Variants in USP42 observed in about 807,000 individuals in gnomAD.
USP42 encodes ubiquitin specific peptidase 42, also known as ubiquitin carboxyl-terminal hydrolase 42.
Under a neutral mutation model 113.0 loss-of-function variants are expected in USP42, and 23 were observed. The observed-to-expected ratio is 0.20, with a 90% CI of 0.15 to 0.29. The LOEUF is 0.29. USP42 is among the 10% of genes least tolerant of loss of function. The pLI is 1.00. For synonymous variants in USP42, 933 were observed against 699.0 expected, an observed-to-expected ratio of 1.33 and a Z score of -5.28; for missense variants, 2,174 against 1,779.8, an observed-to-expected ratio of 1.22 and a Z score of -3.99.
chr7:6,127,695 G>A (rs1382639840), intron 3 of USP42, among the ~76,000 whole-genome samples: 4 of 152,256 alleles, frequency 2.6e-5, no homozygotes, highest in Admixed American at 6.5e-5. Flanking sequence ...TCTTGTCATC[G>A]GTTAGAATGA....
At chr7:6,092,149 C>CT in the USP42 span, among the ~76,000 whole-genome samples, 1 of 118,338 alleles carries the variant, frequency 8.5e-6, no homozygotes, top group Non-Finnish European at 1.7e-5. Context: ...CTTCCTCTTC[C>CT]TCTTCTTCTT....
chr7:6,119,927 C>T (rs573677237), intron 3 of USP42, among the ~76,000 whole-genome samples: 37 of 151,778 alleles, frequency 2.4e-4, no homozygotes, highest in African/African-American at 8.3e-4. Flanking sequence ...GTCTTGAACT[C>T]CTACGCTTAA....
chr7:6,157,158 A>T lies in USP42; in HGVS notation c.3943+103A>T. Reference sequence around the variant, plus strand: ...AGAAAGAAAACCTCAGGTGGCATCAAAGGGCACAGTTACTCAGAGCACCCC... The same window carrying T: ...AGAAAGAAAACCTCAGGTGGCATCATAGGGCACAGTTACTCAGAGCACCCC... On this transcript the variant is annotated intron_variant, in intron 16 of 17. Transcript: ENST00000306177. This position sits in a 1 kb window ranked among gnomAD's most constrained non-coding sequence, Gnocchi z 4.1. The T allele has an allele frequency of 6.9e-7, 1 of 1,444,542 alleles. No individual in the cohort carries two copies. The highest frequency in any genetic ancestry group is 2.5e-5 in the East Asian group (1 of 40,162). The allele number at this position is 1,444,542 out of a possible 1,614,324, so 89.5% of individuals were successfully genotyped here. A position where few individuals can be genotyped will look rare whatever the true frequency, so the allele number is the denominator to read the frequency against.
the USP42 span, among the ~76,000 whole-genome samples, chr7:6,090,610 G>C: frequency 2.0e-5 from 3 of 146,536 alleles, no homozygotes; most frequent in African/African-American, 7.7e-5. Flanking sequence ...AGCTACTCAG[G>C]AGACTGAGGC....
At chr7:6,124,511 G>C (rs1040703174) in intron 3 of USP42, among the ~76,000 whole-genome samples, 5 of 152,050 alleles carry the variant, frequency 3.3e-5, no homozygotes, top group Non-Finnish European at 1.5e-5. Flanking sequence ...TGATCTGCCT[G>C]CCTCGGCCTC....
At chr7:6,151,026 A>G (rs1782018673) in intron 14 of USP42, among the ~76,000 whole-genome samples, 1 of 152,246 alleles carries the variant, frequency 6.6e-6, no homozygotes, top group African/African-American at 2.4e-5. Flanking sequence ...AAACCTGCAC[A>G]GCCTGTGACT....
chr7:6,081,906 A>G, the USP42 span: 1 of 152,166 alleles, frequency 6.6e-6, no homozygotes, highest in African/African-American at 2.4e-5. Flanking sequence ...ATATAGAAAT[A>G]TAAATAAAAT....
chr7:6,109,655 AAG>A (rs780028152), intron 1 of USP42, among the ~76,000 whole-genome samples: 8 of 150,684 alleles, frequency 5.3e-5, no homozygotes, highest in Non-Finnish European at 1.0e-4. Flanking sequence ...TGGCCTCCCA[AAG>A]TGCTGGGATT....
chr7:6,149,092 C>T (rs948207736), intron 12 of USP42, among the ~76,000 whole-genome samples: 1 of 152,170 alleles, frequency 6.6e-6, no homozygotes, highest in Admixed American at 6.5e-5. Context: ...AGTCTCACTG[C>T]GTGAGGAGAA....
At chr7:6,095,841 C>T in the USP42 span, among the ~76,000 whole-genome samples, 1 of 150,912 alleles carries the variant, frequency 6.6e-6, no homozygotes, top group African/African-American at 2.5e-5. Context: ...CATCTCACTG[C>T]AGTCTACACC....
intron 2 of USP42, among the ~76,000 whole-genome samples, chr7:6,113,368 C>T (rs1325985168): frequency 1.3e-5 from 2 of 152,130 alleles, no homozygotes; most frequent in Non-Finnish European, 2.9e-5. Context: ...ACCTCTTTCT[C>T]CACGGCCTTC....
chr7:6,086,964 G>C, the USP42 span, among the ~76,000 whole-genome samples: 1 of 150,326 alleles, frequency 6.7e-6, no homozygotes, highest in Non-Finnish European at 1.5e-5. Flanking sequence ...CTGACTTCGG[G>C]TGATTTGCCT....
chr7:6,118,800 T>C (rs900323838), intron 3 of USP42, among the ~76,000 whole-genome samples: 4 of 152,308 alleles, frequency 2.6e-5, no homozygotes, highest in East Asian at 1.9e-4. Context: ...TGAAGCACTT[T>C]AGACAGAAGA....
rs533066491 is a variant in USP42, at chr7:6,127,303, A to G, written c.443-8538A>G. Among the ~76,000 whole-genome samples, 15 of 152,264 alleles carry G rather than the reference A, an allele frequency of 9.9e-5. 1 individual carries two copies. Among genetic ancestry groups the G allele is most frequent in the African/African-American group, 2.4e-4 (10 of 41,550 alleles). Reference sequence around the variant, plus strand: ...AGGTTTTTAATTTTGGTGAAGTTCAATTGGTCAGCCTTTAGTGGATTGTGC... The same window carrying G: ...AGGTTTTTAATTTTGGTGAAGTTCAGTTGGTCAGCCTTTAGTGGATTGTGC... On this transcript the variant is annotated intron_variant, in intron 3 of 17. Transcript: ENST00000306177.
chr7:6,090,579 G>A, the USP42 span, among the ~76,000 whole-genome samples: 1 of 145,976 alleles, frequency 6.9e-6, no homozygotes, highest in Non-Finnish European at 1.5e-5. Context: ...GTTGGGCACG[G>A]TTGTGCATGC....
chr7:6,117,001 C>A (rs1779947564), intron 3 of USP42: 2 of 403,120 alleles, frequency 5.0e-6, no homozygotes, highest in South Asian at 2.0e-5. Context: ...TCCCTTCCTC[C>A]CTCTCTTTCT....
intron 3 of USP42, among the ~76,000 whole-genome samples, chr7:6,130,468 T>G (rs1356876141): frequency 6.6e-6 from 1 of 152,130 alleles, no homozygotes; most frequent in African/African-American, 2.4e-5. Flanking sequence ...TGGCAGAGTT[T>G]AGAGGTGGCT....
At chr7:6,127,316 T>C (rs10255914) in intron 3 of USP42, among the ~76,000 whole-genome samples, 12,155 of 152,238 alleles carry the variant, frequency 0.08, 646 homozygotes, top group African/African-American at 0.14. Flanking sequence ...GGTCAGCCTT[T>C]AGTGGATTGT....
intron 15 of USP42, 45 bp from the exon 16 acceptor site, chr7:6,156,709 G>C: frequency 1.3e-6 from 2 of 1,496,836 alleles, no homozygotes; most frequent in Middle Eastern, 1.8e-4. Context: ...TGCTGCTGGT[G>C]GTTTTGTGTT....
Sources: allele counts gnomAD v4.1 joint callset (sites outside exome capture counted in the v4.1 genomes callset), GRCh38; gene constraint gnomAD v4.1.1; non-coding constraint Gnocchi (gnomAD v3.1); transcripts MANE v1.5; gene names NCBI Gene and HGNC (gene_info 2026-07-23, HGNC 2026-07-21).